The following APBB1 variants were observed in gnomAD, a reference collection of about 807,000 sequenced individuals.
The protein encoded by APBB1 is adaptor protein FE65a2.
A neutral mutation model predicts 78.4 loss-of-function variants in APBB1; 22 were observed. The observed-to-expected ratio is 0.28, with a 90% CI of 0.20 to 0.40. The LOEUF (loss-of-function observed/expected upper bound fraction) is 0.40. APBB1 is among the 10% of genes least tolerant of loss of function. The pLI, the probability that APBB1 is intolerant of heterozygous loss-of-function variation, is 1.00. For synonymous variants in APBB1, 369 were observed against 372.7 expected, an observed-to-expected ratio of 0.99 and a Z score of 0.12; for missense variants, 749 against 932.4, an observed-to-expected ratio of 0.80 and a Z score of 2.56.
chr11:6,404,976 G>C (rs149942497), intron 2 of APBB1: 2 of 1,434,140 alleles, frequency 1.4e-6, no homozygotes, highest in Non-Finnish European at 1.8e-6. Context: ...CTAGGGAGGG[G>C]CCAGGACCAC....
intron 2 of APBB1, among the ~76,000 whole-genome samples, chr11:6,409,007 C>T (rs1848891649): frequency 2.6e-5 from 4 of 151,538 alleles, no homozygotes; most frequent in Non-Finnish European, 2.9e-5. Context: ...TTTGTAGGTA[C>T]AATAATGATA....
Position 6,410,857 on chromosome 11 carries a change from T to A in APBB1, c.491A>T (p.Asp164Val). ...GTCCTCCTCCTCCTCTTCATCATCA[T>A]CATCCTCCTCCTCCTCCTCGGCCTC... The part of the protein sequence containing the change: ...AGEAEEEEED[D>V]DDEEEEEDLS... Residue 164 changes from aspartate to valine, a missense_variant, in exon 2 of 15, where the codon GAT becomes GTT. This residue lies in a region of APBB1 where 635 missense variants were observed against 765.0 expected (regional missense o/e 0.83). Coordinates refer to ENST00000609360, the MANE Select transcript of APBB1 (RefSeq NM_001164.5). The A allele has an allele frequency of 6.2e-7, 1 of 1,613,826 alleles. No individual in the cohort carries two copies. The highest frequency in any genetic ancestry group is 1.1e-5 in the South Asian group (1 of 91,078).
At position 6,402,333 on chromosome 11, in the gene APBB1, G is replaced by A. The variant is rs138430111; in HGVS notation, c.1255-124C>T. ...CCCCTGCTTTGGTGTCAGACCGCCC[G>A]CCCTGCAGGCCTCACTCTAGTGGAG... On this transcript the variant is annotated intron_variant, in intron 7 of 14. Transcript: ENST00000609360. 5.8e-4 allele frequency: 796 copies of A among 1,373,730 alleles called. 10 individuals carry two copies. The East Asian group carries it at 0.015, about 27-fold the overall frequency. 85.1% of individuals were successfully genotyped at this position (1,373,730 alleles called of 1,614,324 possible). A position where few individuals can be genotyped will look rare whatever the true frequency, so the allele number is the denominator to read the frequency against.
At position 6,411,788 on chromosome 11, in the gene APBB1, T is replaced by C. The variant is rs923781324; in HGVS notation, c.-14-427A>G. Among the ~76,000 whole-genome samples the C allele has an allele frequency of 3.3e-5, 5 of 152,102 alleles. 1 individual carries two copies. The highest frequency in any genetic ancestry group is 3.3e-4 in the Admixed American group (5 of 15,274). ...CTGACTGCCCCTCTCCGGCCGCACT[T>C]CCATCCCAAGCCCCATCACTGTAAG... On this transcript the variant is annotated intron_variant, in intron 1 of 14. Transcript: ENST00000609360. The surrounding 1 kb of genome is among the most constrained non-coding windows in gnomAD (Gnocchi z 5.2).
intron 1 of APBB1, among the ~76,000 whole-genome samples, chr11:6,413,557 T>C (rs1849037274): frequency 6.6e-6 from 1 of 152,122 alleles, no homozygotes; most frequent in Admixed American, 6.5e-5. Flanking sequence ...CTCAGCTCAC[T>C]GCAACCTCCT....
At chr11:6,405,633 G>A (rs1848772673) in intron 2 of APBB1, 1 of 985,808 alleles carries the variant, frequency 1.0e-6, no homozygotes, top group Admixed American at 6.1e-5. Flanking sequence ...TATTCAGGCA[G>A]GGTGCTTCAC....
At chr11:6,405,255 G>C in intron 2 of APBB1, 1 of 1,007,032 alleles carries the variant, frequency 9.9e-7, no homozygotes, top group East Asian at 1.0e-4. Context: ...GTGGTTTCAA[G>C]GCCTTCAGGG....
chr11:6,419,255 T>C (rs1849201155), upstream of APBB1: 2 of 288,880 alleles, frequency 6.9e-6, no homozygotes, highest in Non-Finnish European at 1.3e-5. Flanking sequence ...AGCCCCGCGG[T>C]CCAGCCCTCC....
rs1434294395 is a variant in APBB1, at chr11:6,401,932, C to CAG, written c.1388+43_1388+44dup. 2 of 1,552,502 alleles carry CAG rather than the reference C, an allele frequency of 1.3e-6. No individual in the cohort carries two copies. The highest frequency in any genetic ancestry group is 4.5e-5 in the East Asian group (2 of 44,314). On this transcript the variant is annotated intron_variant, in intron 9 of 14. Coordinates refer to ENST00000609360, the MANE Select transcript of APBB1 (RefSeq NM_001164.5). This position sits in a 1 kb window ranked among gnomAD's most constrained non-coding sequence, Gnocchi z 4.5. ...CAGAAGAGGGGAGCTTGGGTGCTTCCAGGCATCTGGTCCAGGTGTAGGAGG... is the reference window on the plus strand; with the variant it reads ...CAGAAGAGGGGAGCTTGGGTGCTTCCAGAGGCATCTGGTCCAGGTGTAGGAGG...
In APBB1 at chr11:6,403,455, C is replaced by A; in HGVS notation, c.954+33G>T. The A allele has an allele frequency of 6.2e-7, 1 of 1,614,196 alleles. No homozygotes were observed. ...TATCAAAATGATGCCCCTCCTCCAG[C>A]TATCCCGTGGTAAAGCAGGTCCCCT... On this transcript the variant is annotated intron_variant, in intron 4 of 14. Transcript: ENST00000609360. This position sits in a 1 kb window ranked among gnomAD's most constrained non-coding sequence, Gnocchi z 5.3.
At chr11:6,414,057 ATAACGCC>A (rs1379302542) in intron 1 of APBB1, among the ~76,000 whole-genome samples, 3 of 152,136 alleles carry the variant, frequency 2.0e-5, no homozygotes, top group African/African-American at 7.2e-5. Flanking sequence ...TGCCTTTCGG[ATAACGCC>A]TGCACTCGTT....
rs1247400783 is a variant in APBB1 at position 6,402,212 on chromosome 11, G to A, written c.1255-3C>T. 1 of 1,613,162 alleles carries A rather than the reference G, an allele frequency of 6.2e-7. No homozygotes were observed. The highest frequency in any genetic ancestry group is 8.5e-7 in the Non-Finnish European group (1 of 1,179,986). On this transcript the variant is annotated splice_region_variant and splice_polypyrimidine_tract_variant and intron_variant, in intron 7 of 14. Transcript: ENST00000609360. ...AGCTGCAGTAGCAGATCCTTTCCCT[G>A]CAGGACCAGAAGCAGGCACTCAGTG...
At chr11:6,405,271 G>T in intron 2 of APBB1, 1 of 1,000,698 alleles carries the variant, frequency 1.0e-6, no homozygotes, top group Non-Finnish European at 1.2e-6. Context: ...CAGGGATCCC[G>T]CCCCTGTCCA....
At chr11:6,400,675 TC>T (rs72385249) in intron 12 of APBB1, among the ~76,000 whole-genome samples, 6,328 of 152,250 alleles carry the variant, frequency 0.042, 415 homozygotes, top group African/African-American at 0.14. Context: ...CTGTCTGGTG[TC>T]CTCCAGTCAT....
rs765245756 is a variant in APBB1, at chr11:6,403,352, T to C, written c.1007A>G (p.Glu336Gly). 8 of 1,614,098 alleles carry C rather than the reference T, an allele frequency of 5.0e-6. No individual in the cohort carries two copies. The highest frequency in any genetic ancestry group is 6.8e-6 in the Non-Finnish European group (8 of 1,179,978). ...CTGAGCTGGGAAGGTCAACGTCCCC[T>C]CCTCAGGTTCCTTCAGTCCCAGCTC... ...PMELGLKEPE[E>G]GTLTFPAQSL... Residue 336 changes from glutamate to glycine, a missense_variant, in exon 5 of 15, where the codon GAG becomes GGG. This residue lies in a region of APBB1 where 635 missense variants were observed against 765.0 expected (regional missense o/e 0.83). Coordinates refer to ENST00000609360, the MANE Select transcript of APBB1 (RefSeq NM_001164.5). This position sits in a 1 kb window ranked among gnomAD's most constrained non-coding sequence, Gnocchi z 5.3.
chr11:6,417,167 G>C (rs75558891), intron 1 of APBB1, among the ~76,000 whole-genome samples: 1 of 152,116 alleles, frequency 6.6e-6, no homozygotes, highest in East Asian at 1.9e-4. Context: ...CTGATTCCTC[G>C]AAGACATGTG....
chr11:6,411,293 C>T lies in APBB1; in HGVS notation c.55G>A (p.Gly19Ser). The T allele has an allele frequency of 6.4e-7, 1 of 1,568,140 alleles. No individual in the cohort carries two copies. Among genetic ancestry groups the T allele is most frequent in the Non-Finnish European group, 8.6e-7 (1 of 1,158,530 alleles). Residue 19 changes from glycine to serine, a missense_variant, in exon 2 of 15, where the codon GGC (glycine) becomes AGC (serine). Physicochemically the swap from Gly to Ser is moderately conservative, Grantham distance 56. Around this residue, in one of 3 missense-constraint regions of APBB1, gnomAD observed 635 missense variants for 765.0 expected, o/e 0.83. Transcript: ENST00000609360. This position sits in a 1 kb window ranked among gnomAD's most constrained non-coding sequence, Gnocchi z 5.2. ...GGCAGGGGTAGGCTCAGTGCGGGGC[C>T]TCCGTGGCTGTTGGCATTAATGGCC... is the stretch of plus-strand genomic sequence containing the variant. ...QSAINANSHG[G>S]PALSLPLPLH...
Position 6,410,431 on chromosome 11 carries a change from C to A in APBB1, c.721+196G>T, listed in dbSNP as rs12283769. 0.016 allele frequency among the ~76,000 whole-genome samples: 2,499 copies of A among 152,288 alleles called. 61 individuals are homozygous for A. Among genetic ancestry groups the A allele is most frequent in the African/African-American group, 0.057 (2,380 of 41,534 alleles). On this transcript the variant is annotated intron_variant, in intron 2 of 14. Transcript: ENST00000609360. ...TGGCATGCATAATGAATAGATCCAT[C>A]CATCCGGGCATGCATGATGGTCAGA...
intron 2 of APBB1, among the ~76,000 whole-genome samples, chr11:6,406,675 C>T (rs530334684): frequency 7.2e-5 from 11 of 152,224 alleles, no homozygotes; most frequent in Admixed American, 1.3e-4. Flanking sequence ...TTGGGACATG[C>T]CCCCTTGTCC....
Sources: allele counts gnomAD v4.1 joint callset (sites outside exome capture counted in the v4.1 genomes callset), GRCh38; gene constraint gnomAD v4.1.1; regional missense constraint gnomAD v4.1.1; non-coding constraint Gnocchi (gnomAD v3.1); transcripts MANE v1.5; gene names NCBI Gene and HGNC (gene_info 2026-07-23, HGNC 2026-07-21).